FBXL17: variants seen among roughly 807,000 people sequenced by gnomAD.
FBXL17 encodes F-box and leucine rich repeat protein 17.
In FBXL17, 22 loss-of-function variants were observed where a neutral mutation model predicts 66.2. The observed-to-expected ratio is 0.33, with a 90% CI of 0.24 to 0.47. The LOEUF is 0.47. Among genes scored for constraint, FBXL17 ranks in the 20% least tolerant of loss-of-function variants. The pLI is 1.00. For missense variants in FBXL17, 878 were observed against 948.2 expected (o/e 0.93, Z 0.97); for synonymous variants, 474 against 400.5 (o/e 1.18, Z -2.19).
intron 5 of FBXL17, among the ~76,000 whole-genome samples, chr5:108,209,586 G>T (rs887425648): frequency 7.9e-5 from 12 of 152,122 alleles, no homozygotes; most frequent in South Asian, 2.1e-4. Flanking sequence ...TTCTGTCATT[G>T]GTTCTGTTTA....
Position 108,381,011 on chromosome 5 carries a change from A to ACCG in FBXL17, c.678_680dup (p.Gly231dup), listed in dbSNP as rs906102490. On this transcript the variant is annotated inframe_insertion, in exon 1 of 9. Coordinates refer to ENST00000542267, the MANE Select transcript of FBXL17 (RefSeq NM_001163315.3). ...CTCCCCCCGCAGGCCCTCCCCCGCCACCGCCGCCGCCGCCGCCGCCGCAGC... is the reference window on the plus strand; with the variant it reads ...CTCCCCCCGCAGGCCCTCCCCCGCCACCGCCGCCGCCGCCGCCGCCGCCGCAGC... 7.1e-3 allele frequency: 8,336 copies of ACCG among 1,180,598 alleles called. 28 individuals are homozygous for ACCG. Among genetic ancestry groups the ACCG allele is most frequent in the African/African-American group, 0.011 (707 of 61,872 alleles). 73.1% of individuals were successfully genotyped at this position (1,180,598 alleles called of 1,614,324 possible).
intron 7 of FBXL17, among the ~76,000 whole-genome samples, chr5:107,897,264 G>A (rs1044826371): frequency 3.9e-5 from 6 of 152,076 alleles, no homozygotes; most frequent in Non-Finnish European, 8.8e-5. Flanking sequence ...TATTAGTAAG[G>A]AAAAGAAGCA....
At chr5:108,370,836 G>A (rs957557409) in intron 1 of FBXL17, among the ~76,000 whole-genome samples, 5 of 151,844 alleles carry the variant, frequency 3.3e-5, no homozygotes, top group Non-Finnish European at 7.4e-5. Context: ...TTTACTTGCA[G>A]GCATTACAAC....
Position 108,310,900 on chromosome 5 carries a change from C to T in FBXL17, c.1506+37499G>A, listed in dbSNP as rs17452434. Reference sequence around the variant, plus strand: ...GTCCACAGACAATTTTACTTCACTACCTGCTGTTGCCAGTTGAGATTTAAT... The same window carrying T: ...GTCCACAGACAATTTTACTTCACTATCTGCTGTTGCCAGTTGAGATTTAAT... On this transcript the variant is annotated intron_variant, in intron 4 of 8. Transcript: ENST00000542267. Among the ~76,000 whole-genome samples, 1,222 of 152,288 alleles carry T rather than the reference C, an allele frequency of 8.0e-3. 11 individuals are homozygous for T. Among genetic ancestry groups the T allele is most frequent in the Middle Eastern group, 0.034 (10 of 294 alleles).
Position 108,016,456 on chromosome 5 carries a change from T to G in FBXL17, c.1822+4469A>C, listed in dbSNP as rs190295998. On this transcript the variant is annotated intron_variant, in intron 7 of 8. Transcript: ENST00000542267. ...TTTAAAATGGAAACAAAAAAATATC[T>G]CTAGAGTGTATTTCTAGGGCCCACA... is the stretch of plus-strand genomic sequence containing the variant. Among the ~76,000 whole-genome samples the G allele has an allele frequency of 3.7e-3, 570 of 152,238 alleles. 5 individuals carry two copies. The highest frequency in any genetic ancestry group is 0.013 in the African/African-American group (553 of 41,550).
intron 6 of FBXL17, among the ~76,000 whole-genome samples, chr5:108,089,194 G>C (rs544258303): frequency 6.6e-6 from 1 of 152,256 alleles, no homozygotes; most frequent in East Asian, 1.9e-4. Flanking sequence ...CACTTGGACT[G>C]CAATGGCCTT....
chr5:108,151,398 T>C (rs1751766609), intron 6 of FBXL17, among the ~76,000 whole-genome samples: 1 of 152,172 alleles, frequency 6.6e-6, no homozygotes. Flanking sequence ...AACTCCTAAC[T>C]TGTCCCAAAA....
intron 6 of FBXL17, among the ~76,000 whole-genome samples, chr5:108,042,070 T>C (rs983962640): frequency 6.6e-5 from 10 of 152,136 alleles, no homozygotes; most frequent in Admixed American, 3.9e-4. Flanking sequence ...TAATTTTATA[T>C]TTTTAGTAGA....
intron 4 of FBXL17, among the ~76,000 whole-genome samples, chr5:108,296,500 T>TA (rs1758356018): frequency 6.6e-6 from 1 of 151,716 alleles, no homozygotes; most frequent in African/African-American, 2.4e-5. Context: ...CAACCTAAAA[T>TA]AAAAAAATCA....
chr5:108,215,059 T>G (rs1188447289), intron 5 of FBXL17, among the ~76,000 whole-genome samples: 1 of 152,236 alleles, frequency 6.6e-6, no homozygotes, highest in Non-Finnish European at 1.5e-5. Flanking sequence ...TTTTCATGGC[T>G]GAATAATATT....
chr5:108,355,137 CTTAA>C (rs1328506090), intron 3 of FBXL17, among the ~76,000 whole-genome samples: 4 of 151,776 alleles, frequency 2.6e-5, no homozygotes, highest in South Asian at 2.1e-4. Flanking sequence ...TTTCCTTATT[CTTAA>C]TTAAGCTAGC....
intron 7 of FBXL17, among the ~76,000 whole-genome samples, chr5:107,926,272 C>T (rs1366239168): frequency 6.6e-6 from 1 of 152,086 alleles, no homozygotes; most frequent in African/African-American, 2.4e-5. Context: ...GACTCCAGAG[C>T]TGAAGGTCTT....
At chr5:107,905,113 A>T (rs1749712751) in intron 7 of FBXL17, among the ~76,000 whole-genome samples, 1 of 152,130 alleles carries the variant, frequency 6.6e-6, no homozygotes, top group South Asian at 2.1e-4. Flanking sequence ...ATAAAAGAAT[A>T]ATAATGCTTC....
rs1168503630 is a variant in FBXL17 at position 108,103,117 on chromosome 5, GTTTTA to G, written c.1746-82121_1746-82117del. Among the ~76,000 whole-genome samples, 4 of 152,222 alleles carry G rather than the reference GTTTTA, an allele frequency of 2.6e-5. No individual in the cohort carries two copies. The East Asian group carries it at 7.7e-4, about 29-fold the overall frequency. On this transcript the variant is annotated intron_variant, in intron 6 of 8. Coordinates refer to ENST00000542267, the MANE Select transcript of FBXL17 (RefSeq NM_001163315.3). Reference sequence around the variant, plus strand: ...CTATTCCATTTTTCTGTCTCTAAAGGTTTTATTTTATGTGAGCCAGTTAATCTGTC... The same window carrying G: ...CTATTCCATTTTTCTGTCTCTAAAGGTTTTATGTGAGCCAGTTAATCTGTC...
At chr5:107,904,795 T>A (rs949337530) in intron 7 of FBXL17, among the ~76,000 whole-genome samples, 1 of 152,210 alleles carries the variant, frequency 6.6e-6, no homozygotes, top group African/African-American at 2.4e-5. Flanking sequence ...CATGCTTATA[T>A]ATTATCATTC....
At chr5:108,143,120 A>AAACC (rs1751419894) in intron 6 of FBXL17, among the ~76,000 whole-genome samples, 1 of 151,930 alleles carries the variant, frequency 6.6e-6, no homozygotes, top group Non-Finnish European at 1.5e-5. Flanking sequence ...TTCCATTCTG[A>AAACC]AACCAACCGC....
At chr5:108,050,982 T>C (rs1747449040) in intron 6 of FBXL17, among the ~76,000 whole-genome samples, 2 of 151,820 alleles carry the variant, frequency 1.3e-5, no homozygotes, top group African/African-American at 4.8e-5. Context: ...AACTAGAAAA[T>C]CTAGAAGAAA....
intron 7 of FBXL17, among the ~76,000 whole-genome samples, chr5:107,991,405 G>A (rs1335586617): frequency 2.0e-5 from 3 of 152,158 alleles, no homozygotes; most frequent in Non-Finnish European, 4.4e-5. Context: ...GGGTTGAGGT[G>A]GGAAGAGATG....
At chr5:108,165,562 A>C (rs1019799744) in intron 6 of FBXL17, among the ~76,000 whole-genome samples, 1 of 152,222 alleles carries the variant, frequency 6.6e-6, no homozygotes, top group Non-Finnish European at 1.5e-5. Context: ...AGTAGCTGAG[A>C]ATAGTGGGAT....
Sources: allele counts gnomAD v4.1 joint callset (sites outside exome capture counted in the v4.1 genomes callset), GRCh38; gene constraint gnomAD v4.1.1; transcripts MANE v1.5; gene names NCBI Gene and HGNC (gene_info 2026-07-23, HGNC 2026-07-21).